ANXA8: variants seen among roughly 807,000 people sequenced by gnomAD.
ANXA8 encodes the protein annexin A8.
Under a neutral mutation model 26.8 loss-of-function variants are expected in ANXA8, and 9 were observed. The ratio of observed to expected loss-of-function variants is 0.34; its 90% CI spans 0.20 to 0.59. The LOEUF is 0.59. Ranked by LOEUF, ANXA8 falls within the 20% of genes least tolerant of loss-of-function variation. The probability of loss-of-function intolerance (pLI) is 0.84; values close to 1 mark genes in which losing one functional copy is unlikely to be tolerated. For synonymous variants in ANXA8, 39 were observed against 94.8 expected (o/e 0.41, Z 3.42); for missense variants, 83 against 238.5 (o/e 0.35, Z 4.29).
chr10:47,938,854 G>A, the ANXA8 span, among the ~76,000 whole-genome samples: 1 of 147,782 alleles, frequency 6.8e-6, no homozygotes, highest in Non-Finnish European at 1.5e-5. Context: ...TGACATCACG[G>A]TTCCCCAGCC....
the ANXA8 span, among the ~76,000 whole-genome samples, chr10:47,699,135 C>CCAGGAGT: frequency 2.0e-5 from 3 of 151,350 alleles, no homozygotes; most frequent in Non-Finnish European, 4.4e-5. Flanking sequence ...TCTCTTGAGG[C>CCAGGAGT]CAGGAGTTTG....
the ANXA8 span, chr10:47,991,772 T>C: frequency 0.03 from 38,964 of 1,278,316 alleles, 142 homozygotes; most frequent in African/African-American, 0.079. Flanking sequence ...GGACTCCACA[T>C]GTCTGGCTCC....
chr10:47,696,671 A>G, the ANXA8 span, among the ~76,000 whole-genome samples: 1 of 146,288 alleles, frequency 6.8e-6, no homozygotes, highest in South Asian at 2.1e-4. Context: ...ATTTTAAGAA[A>G]TGAACTTGTA....
At chr10:47,987,085 G>A in the ANXA8 span, 2 of 443,494 alleles carry the variant, frequency 4.5e-6, no homozygotes, top group South Asian at 3.6e-5. Flanking sequence ...AGGCAGCCTG[G>A]GTACCCAGGT....
the ANXA8 span, among the ~76,000 whole-genome samples, chr10:47,560,124 G>T: frequency 6.6e-6 from 1 of 151,916 alleles, no homozygotes; most frequent in African/African-American, 2.4e-5. Context: ...TTACACTGTT[G>T]TGTGGAAGGA....
At chr10:47,944,038 G>A in the ANXA8 span, among the ~76,000 whole-genome samples, 1 of 147,506 alleles carries the variant, frequency 6.8e-6, no homozygotes, top group Non-Finnish European at 1.5e-5. Context: ...AGTTGGCTCG[G>A]GCCGCTATTG....
chr10:47,593,263 G>T, the ANXA8 span, among the ~76,000 whole-genome samples: 2 of 149,442 alleles, frequency 1.3e-5, no homozygotes, highest in Admixed American at 6.6e-5. Context: ...CCTAAGGGAA[G>T]GGGGAGTGCA....
chr10:47,679,679 G>T, the ANXA8 span, among the ~76,000 whole-genome samples: 26 of 151,776 alleles, frequency 1.7e-4, no homozygotes, highest in African/African-American at 6.1e-4. Flanking sequence ...AGCATTTTGG[G>T]AGGTCAAGGT....
chr10:47,580,753 CAAAA>C, the ANXA8 span, among the ~76,000 whole-genome samples: 3 of 57,722 alleles, frequency 5.2e-5, no homozygotes, highest in Non-Finnish European at 1.3e-4. Flanking sequence ...AAAAACAAAA[CAAAA>C]AAAAAAAACA....
At chr10:47,557,347 T>G in the ANXA8 span, among the ~76,000 whole-genome samples, 1 of 151,630 alleles carries the variant, frequency 6.6e-6, no homozygotes. Context: ...TATGCAGTGC[T>G]CCTTCCCCAT....
chr10:47,558,104 A>C, the ANXA8 span, among the ~76,000 whole-genome samples: 1 of 152,020 alleles, frequency 6.6e-6, no homozygotes, highest in African/African-American at 2.4e-5. Context: ...ATTCTTTGGA[A>C]ACATCTGGAT....
At chr10:47,548,801 T>A in the ANXA8 span, among the ~76,000 whole-genome samples, 2 of 151,978 alleles carry the variant, frequency 1.3e-5, no homozygotes, top group South Asian at 4.2e-4. Context: ...TCTAGAACCA[T>A]CAGGAACAAG....
the ANXA8 span, among the ~76,000 whole-genome samples, chr10:47,989,413 G>C: frequency 8.2e-6 from 1 of 122,554 alleles, no homozygotes; most frequent in African/African-American, 2.8e-5. Context: ...GGGTGCGGTA[G>C]GTCTCAGGTG....
chr10:47,561,056 G>A, the ANXA8 span, among the ~76,000 whole-genome samples: 3 of 151,292 alleles, frequency 2.0e-5, no homozygotes, highest in Non-Finnish European at 1.5e-5. Context: ...TCATCTGACT[G>A]GAAAGCCTTT....
chr10:47,658,302 C>T, the ANXA8 span, among the ~76,000 whole-genome samples: 2 of 150,542 alleles, frequency 1.3e-5, no homozygotes, highest in African/African-American at 5.0e-5. Context: ...AGGAGAATCA[C>T]TTGAACCCGG....
At chr10:47,530,088 T>C in the ANXA8 span, among the ~76,000 whole-genome samples, 1 of 132,920 alleles carries the variant, frequency 7.5e-6, no homozygotes, top group African/African-American at 2.8e-5. Flanking sequence ...GACAACAGGA[T>C]CACAAATTAT....
chr10:47,971,203 A>G, the ANXA8 span, among the ~76,000 whole-genome samples: 1 of 150,874 alleles, frequency 6.6e-6, no homozygotes, highest in East Asian at 1.9e-4. Context: ...GCTTAAAGTG[A>G]GGTGTCCTGT....
chr10:47,495,357 C>T, the ANXA8 span, among the ~76,000 whole-genome samples: 3 of 149,120 alleles, frequency 2.0e-5, no homozygotes, highest in Non-Finnish European at 4.4e-5. Flanking sequence ...ATGATCTCGG[C>T]TCACTGCAAC....
At chr10:47,633,347 C>CGTTCACACACACAT in the ANXA8 span, among the ~76,000 whole-genome samples, 5 of 94,846 alleles carry the variant, frequency 5.3e-5, no homozygotes, top group African/African-American at 2.8e-4. Context: ...CACACACACA[C>CGTTCACACACACAT]GTACGTTCAC....
Sources: allele counts gnomAD v4.1 joint callset (sites outside exome capture counted in the v4.1 genomes callset), GRCh38; gene constraint gnomAD v4.1.1; transcripts MANE v1.5; gene names NCBI Gene and HGNC (gene_info 2026-07-23, HGNC 2026-07-21).